The following PLPP4 variants were observed in gnomAD, a reference collection of about 807,000 sequenced individuals.
The protein encoded by PLPP4 is diacylglycerol pyrophosphate like 2.
In PLPP4, 20 loss-of-function variants were observed where a neutral mutation model predicts 32.2. The ratio of observed to expected loss-of-function variants is 0.62; its 90% CI spans 0.44 to 0.90. The LOEUF (loss-of-function observed/expected upper bound fraction) is 0.90. Ranked by LOEUF, PLPP4 falls within the 40% of genes least tolerant of loss-of-function variation. The pLI is 0.00. For synonymous variants in PLPP4, 127 were observed against 133.0 expected (o/e 0.95, Z 0.31); for missense variants, 257 against 353.1 (o/e 0.73, Z 2.18).
chr10:120,498,127 T>G (rs1845058584), intron 1 of PLPP4, among the ~76,000 whole-genome samples: 1 of 152,252 alleles, frequency 6.6e-6, no homozygotes, highest in South Asian at 2.1e-4. Flanking sequence ...ACAATTTATC[T>G]GACTTTGGGC....
chr10:120,567,233 T>C (rs1377605751), intron 5 of PLPP4, among the ~76,000 whole-genome samples: 1 of 152,214 alleles, frequency 6.6e-6, no homozygotes, highest in East Asian at 1.9e-4. Context: ...TATTAGGTAT[T>C]CTTGTATTTG....
intron 5 of PLPP4, among the ~76,000 whole-genome samples, chr10:120,546,325 T>C (rs1260927758): frequency 2.6e-5 from 4 of 152,136 alleles, no homozygotes; most frequent in Non-Finnish European, 4.4e-5. Context: ...ATACCTCCCC[T>C]GTCCCCCAAC....
chr10:120,572,243 A>T (rs1848977483), intron 5 of PLPP4, among the ~76,000 whole-genome samples: 1 of 152,202 alleles, frequency 6.6e-6, no homozygotes, highest in African/African-American at 2.4e-5. Context: ...ATGCTGGCCA[A>T]ATACAAGTTC....
At chr10:120,478,590 G>A (rs1844040809) in intron 1 of PLPP4, among the ~76,000 whole-genome samples, 1 of 152,202 alleles carries the variant, frequency 6.6e-6, no homozygotes, top group Non-Finnish European at 1.5e-5. Context: ...TAACATTCTT[G>A]TGGGTGGTCT....
At chr10:120,570,443 G>A (rs753795661) in intron 5 of PLPP4, among the ~76,000 whole-genome samples, 6 of 152,112 alleles carry the variant, frequency 3.9e-5, no homozygotes, top group Non-Finnish European at 7.4e-5. Context: ...ACAATTGTGT[G>A]TTCAGTGCCA....
chr10:120,475,064 T>C (rs1680503380), intron 1 of PLPP4, among the ~76,000 whole-genome samples: 1 of 152,124 alleles, frequency 6.6e-6, no homozygotes, highest in Non-Finnish European at 1.5e-5. Context: ...GAGGCTTTCT[T>C]ATAATTAAAT....
intron 1 of PLPP4, among the ~76,000 whole-genome samples, chr10:120,466,912 T>A (rs1385234668): frequency 6.6e-6 from 1 of 151,954 alleles, no homozygotes. Context: ...GAGATACAGG[T>A]CAATGAAAAG....
rs77106377 is a variant in PLPP4, at chr10:120,520,413, A to G, written c.321-558A>G. ...CCAGAGGCAACCTCTGAAATAGATC[A>G]AGCGGTAGAGTGGTAGATTAATAGG... On this transcript the variant is annotated intron_variant, in intron 4 of 6. Coordinates refer to ENST00000398250, the MANE Select transcript of PLPP4 (RefSeq NM_001030059.3). Among the ~76,000 whole-genome samples, 760 of 152,336 alleles carry G rather than the reference A, an allele frequency of 5.0e-3. 8 individuals are homozygous for G. Among genetic ancestry groups the G allele is most frequent in the African/African-American group, 0.018 (740 of 41,582 alleles).
intron 1 of PLPP4, among the ~76,000 whole-genome samples, chr10:120,476,937 G>A (rs1843951567): frequency 6.6e-6 from 1 of 152,084 alleles, no homozygotes; most frequent in Admixed American, 6.5e-5. Flanking sequence ...GTGTTTTTCT[G>A]TTCCCTCTCC....
intron 2 of PLPP4, among the ~76,000 whole-genome samples, chr10:120,508,060 G>A (rs770117256): frequency 2.6e-5 from 4 of 152,116 alleles, no homozygotes; most frequent in Non-Finnish European, 5.9e-5. Context: ...TGCTTCGACC[G>A]TGATATGTCC....
intron 1 of PLPP4, among the ~76,000 whole-genome samples, chr10:120,482,067 T>C (rs1844231726): frequency 6.6e-6 from 1 of 152,178 alleles, no homozygotes; most frequent in South Asian, 2.1e-4. Flanking sequence ...CTTCTTTCTT[T>C]TGTAAATTTT....
chr10:120,490,746 C>T (rs944455991), intron 1 of PLPP4, among the ~76,000 whole-genome samples: 2 of 152,132 alleles, frequency 1.3e-5, no homozygotes, highest in African/African-American at 4.8e-5. Flanking sequence ...GGTGAGATCT[C>T]GAGGGAGCAG....
At chr10:120,459,635 C>T (rs1269159080) in intron 1 of PLPP4, among the ~76,000 whole-genome samples, 2 of 152,220 alleles carry the variant, frequency 1.3e-5, no homozygotes, top group African/African-American at 4.8e-5. Context: ...CCTGGGCAGG[C>T]TGAATCCGAT....
At chr10:120,552,872 G>A (rs1360556203) in intron 5 of PLPP4, among the ~76,000 whole-genome samples, 3 of 152,194 alleles carry the variant, frequency 2.0e-5, no homozygotes, top group Admixed American at 2.0e-4. Flanking sequence ...GCAGTTGATG[G>A]AATTGATGCA....
chr10:120,488,496 A>G (rs979508227), intron 1 of PLPP4, among the ~76,000 whole-genome samples: 12 of 152,242 alleles, frequency 7.9e-5, no homozygotes, highest in South Asian at 2.1e-4. Flanking sequence ...TCATTTAACT[A>G]TCTTGCCATA....
chr10:120,494,017 C>T (rs1453075329), intron 1 of PLPP4, among the ~76,000 whole-genome samples: 2 of 152,072 alleles, frequency 1.3e-5, no homozygotes, highest in African/African-American at 4.8e-5. Context: ...AGCTGAGACT[C>T]ACTATTCTGA....
rs1287807794 is a variant in PLPP4 at position 120,532,836 on chromosome 10, A to G, written c.445+11741A>G. On this transcript the variant is annotated intron_variant, in intron 5 of 6. Coordinates refer to ENST00000398250, the MANE Select transcript of PLPP4 (RefSeq NM_001030059.3). ...TTTTATTGCTCAGTAATCTTTTATTATGTGGATATAGGTCACATTTTATTT... is the reference window on the plus strand; with the variant it reads ...TTTTATTGCTCAGTAATCTTTTATTGTGTGGATATAGGTCACATTTTATTT... Among the ~76,000 whole-genome samples the G allele has an allele frequency of 3.3e-5, 5 of 152,138 alleles. No individual in the cohort carries two copies. The South Asian group carries it at 8.3e-4, about 25-fold the overall frequency.
At chr10:120,586,606 G>A (rs541253728) in intron 6 of PLPP4, among the ~76,000 whole-genome samples, 1 of 152,096 alleles carries the variant, frequency 6.6e-6, no homozygotes, top group Non-Finnish European at 1.5e-5. Context: ...TGGGAAAGGG[G>A]CATGCCCAAA....
intron 1 of PLPP4, among the ~76,000 whole-genome samples, chr10:120,475,593 A>G (rs983438371): frequency 1.3e-5 from 2 of 152,224 alleles, no homozygotes; most frequent in African/African-American, 4.8e-5. Context: ...TGCATGAGAC[A>G]GACATGTTCA....
Sources: allele counts gnomAD v4.1 joint callset (sites outside exome capture counted in the v4.1 genomes callset), GRCh38; gene constraint gnomAD v4.1.1; transcripts MANE v1.5; gene names NCBI Gene and HGNC (gene_info 2026-07-23, HGNC 2026-07-21).